The following ACAP2 variants were observed in gnomAD, a reference collection of about 807,000 sequenced individuals.
The protein encoded by ACAP2 is ArfGAP with coiled-coil, ankyrin repeat and PH domains 2, also known as arf-GAP with coiled-coil, ANK repeat and PH domain-containing protein 2.
ACAP2 carries 39 observed loss-of-function variants against 115.8 expected under a neutral mutation model. That is an observed-to-expected ratio of 0.34 (90% confidence interval 0.26 to 0.44). The LOEUF (loss-of-function observed/expected upper bound fraction) is 0.44, where lower values mean the gene tolerates loss of function less well. Ranked by LOEUF, ACAP2 falls within the 20% of genes least tolerant of loss-of-function variation. The pLI is 1.00. For synonymous variants in ACAP2, 289 were observed against 315.8 expected (o/e 0.92, Z 0.90); for missense variants, 662 against 927.6 (o/e 0.71, Z 3.72).
intron 1 of ACAP2, among the ~76,000 whole-genome samples, chr3:195,413,551 C>G (rs986732717): frequency 6.6e-5 from 10 of 152,128 alleles, no homozygotes; most frequent in African/African-American, 2.4e-4. Context: ...GAGTTTGAGA[C>G]CAGCCTGTCC....
intron 9 of ACAP2, among the ~76,000 whole-genome samples, chr3:195,321,067 A>G (rs902954130): frequency 1.3e-5 from 2 of 152,156 alleles, no homozygotes; most frequent in Non-Finnish European, 2.9e-5. Context: ...ATAATTATAT[A>G]GAATATAGTG....
At chr3:195,294,578 C>CAAAAAAAAAAAAAAAA (rs71637158) in intron 18 of ACAP2, 141 bp downstream of exon 18, 1 of 73,248 alleles carries the variant, frequency 1.4e-5, no homozygotes, top group Non-Finnish European at 2.4e-5. Flanking sequence ...AACTCCATCT[C>CAAAAAAAAAAAAAAAA]AAAAAAAAAA....
At chr3:195,366,683 C>G (rs1732746419) in intron 4 of ACAP2, among the ~76,000 whole-genome samples, 1 of 152,196 alleles carries the variant, frequency 6.6e-6, no homozygotes, top group Admixed American at 6.5e-5. Context: ...CTAATGCCTG[C>G]TTCTTATTCG....
At chr3:195,430,909 C>A (rs1342900664) in intron 1 of ACAP2, among the ~76,000 whole-genome samples, 1 of 152,150 alleles carries the variant, frequency 6.6e-6, no homozygotes, top group Non-Finnish European at 1.5e-5. Context: ...ATATAATTCA[C>A]AACATAAATT....
intron 8 of ACAP2, among the ~76,000 whole-genome samples, chr3:195,327,952 A>G (rs1252953184): frequency 6.6e-6 from 1 of 151,912 alleles, no homozygotes; most frequent in African/African-American, 2.4e-5. Flanking sequence ...AAAAAAATAT[A>G]TATATATGTA....
chr3:195,343,427 T>C (rs1238533580), intron 5 of ACAP2, among the ~76,000 whole-genome samples: 1 of 152,186 alleles, frequency 6.6e-6, no homozygotes, highest in Non-Finnish European at 1.5e-5. Flanking sequence ...TTGATTTTAC[T>C]ACCATGGGTG....
At chr3:195,310,219 A>G (rs1728675001) in intron 10 of ACAP2, among the ~76,000 whole-genome samples, 1 of 152,250 alleles carries the variant, frequency 6.6e-6, no homozygotes, top group African/African-American at 2.4e-5. Context: ...TTTACTAGAC[A>G]GACTTAGGTT....
rs187565953 is a variant in ACAP2, at chr3:195,355,215, G to A, written c.286-9898C>T. 2.0e-3 allele frequency among the ~76,000 whole-genome samples: 298 copies of A among 151,238 alleles called. 1 individual carries two copies. The highest frequency in any genetic ancestry group is 3.5e-3 in the Middle Eastern group (1 of 282). Reference sequence around the variant, plus strand: ...AAAGTATGTTGTCAATAAAGCAACAGTTCTGTCTCTGACTTGCCAATTCTC... The same window carrying A: ...AAAGTATGTTGTCAATAAAGCAACAATTCTGTCTCTGACTTGCCAATTCTC... On this transcript the variant is annotated intron_variant, in intron 4 of 22. Coordinates refer to ENST00000326793, the MANE Select transcript of ACAP2 (RefSeq NM_012287.6).
chr3:195,279,142 T>C lies in ACAP2; in HGVS notation c.*186A>G. 2.2e-6 allele frequency: 1 copy of C among 457,330 alleles called. No homozygotes were observed. The allele number at this position is 457,330 out of a possible 1,614,324, so 28.3% of individuals were successfully genotyped here. A position where few individuals can be genotyped will look rare whatever the true frequency, so the allele number is the denominator to read the frequency against. On this transcript the variant is annotated 3_prime_UTR_variant, in exon 23 of 23. Coordinates refer to ENST00000326793, the MANE Select transcript of ACAP2 (RefSeq NM_012287.6). ...TTTTTTAATAAAAGAGGTCCTAAAC[T>C]AGGTTCCTCTCCTACTACTAGATAA... is the stretch of plus-strand genomic sequence containing the variant.
At chr3:195,299,192 T>C (rs1246917018) in intron 15 of ACAP2, among the ~76,000 whole-genome samples, 1 of 152,158 alleles carries the variant, frequency 6.6e-6, no homozygotes, top group Non-Finnish European at 1.5e-5. Flanking sequence ...ACAAGAAATT[T>C]AATGTAAGGC....
chr3:195,320,829 C>T lies in ACAP2; in HGVS notation c.745-16G>A, dbSNP rs1323852178. The T allele has an allele frequency of 8.3e-6, 13 of 1,566,886 alleles. No homozygotes were observed. The highest frequency in any genetic ancestry group is 1.1e-5 in the Non-Finnish European group (13 of 1,140,120). On this transcript the variant is annotated splice_polypyrimidine_tract_variant and intron_variant, in intron 9 of 22. Coordinates refer to ENST00000326793, the MANE Select transcript of ACAP2 (RefSeq NM_012287.6). ...TGGAGAAATCCTACACAAAATAACA[C>T]ATAAAGAAGTTCATATGACTTGACT... is the stretch of plus-strand genomic sequence containing the variant.
At chr3:195,372,987 CAAAAAA>C (rs869134113) in intron 4 of ACAP2, among the ~76,000 whole-genome samples, 3 of 17,790 alleles carry the variant, frequency 1.7e-4, no homozygotes, top group East Asian at 8.7e-4. Context: ...GACTCCATCT[CAAAAAA>C]AAAAAAAAAA....
chr3:195,347,633 T>G (rs75224343), intron 4 of ACAP2, among the ~76,000 whole-genome samples: 3,943 of 152,316 alleles, frequency 0.026, 150 homozygotes, highest in African/African-American at 0.086. Flanking sequence ...TTGACTTACA[T>G]AAGTGGATGG....
Position 195,342,639 on chromosome 3 carries a change from G to T in ACAP2, c.360C>A (p.Phe120Leu). The T allele has an allele frequency of 6.3e-7, 1 of 1,590,132 alleles. No individual in the cohort carries two copies. Among genetic ancestry groups the T allele is most frequent in the South Asian group, 1.2e-5 (1 of 86,050 alleles). ...TTTCGAATTGCTTCTTGGCATCTTT[G>T]AATTTTCTAAGATCTCTAAGAAAAG... ...QNFVKEDLRK[F>L]KDAKKQFEKV... The change falls in exon 6 of 23, where the codon TTC becomes TTA. Residue 120 changes from phenylalanine (F) to leucine (L), a missense_variant. Around this residue, in one of 3 missense-constraint regions of ACAP2, gnomAD observed 401 missense variants for 604.4 expected, o/e 0.66. Transcript: ENST00000326793.
chr3:195,397,308 G>T (rs1287014980), intron 1 of ACAP2, among the ~76,000 whole-genome samples: 1 of 152,046 alleles, frequency 6.6e-6, no homozygotes, highest in Non-Finnish European at 1.5e-5. Flanking sequence ...ACTATTCTTT[G>T]CAAGGAAAGG....
At chr3:195,280,082 G>C (rs4461369) in intron 22 of ACAP2, among the ~76,000 whole-genome samples, 1 of 150,690 alleles carries the variant, frequency 6.6e-6, no homozygotes, top group Non-Finnish European at 1.5e-5. Context: ...TGGGTGGGGG[G>C]GTTGGGGGGA....
At chr3:195,364,953 G>A (rs1732614668) in intron 4 of ACAP2, among the ~76,000 whole-genome samples, 1 of 152,198 alleles carries the variant, frequency 6.6e-6, no homozygotes. Context: ...CCATAAAGAA[G>A]AATGAGATCC....
intron 22 of ACAP2, chr3:195,280,691 C>T (rs990154011): frequency 6.6e-6 from 1 of 151,834 alleles, no homozygotes; most frequent in Admixed American, 6.6e-5. Context: ...TGACTGAATA[C>T]CATTTTTCTT....
At chr3:195,291,589 T>C (rs973083178) in intron 20 of ACAP2, 117 bp downstream of exon 20, 15 of 667,614 alleles carry the variant, frequency 2.2e-5, no homozygotes, top group Admixed American at 3.8e-5. Flanking sequence ...AAATAAGTCA[T>C]GGAACACATC....
Sources: gnomAD v4.1 joint callset for allele counts (sites outside exome capture counted in the v4.1 genomes callset) on GRCh38, gnomAD v4.1.1 for gene constraint, gnomAD v4.1.1 regional missense constraint, MANE v1.5 for transcripts, NCBI Gene and HGNC (gene_info 2026-07-23, HGNC 2026-07-21) for gene names.